PTPN14: variants seen among roughly 807,000 people sequenced by gnomAD.
PTPN14 encodes the protein protein tyrosine phosphatase non-receptor type 14.
PTPN14 carries 53 observed loss-of-function variants against 126.8 expected under a neutral mutation model. The ratio of observed to expected loss-of-function variants is 0.42; its 90% CI spans 0.34 to 0.53. The LOEUF (loss-of-function observed/expected upper bound fraction) is 0.53, where lower values mean the gene tolerates loss of function less well. Among genes scored for constraint, PTPN14 ranks in the 20% least tolerant of loss-of-function variants. The probability of loss-of-function intolerance (pLI) is 0.08; values close to 1 mark genes in which losing one functional copy is unlikely to be tolerated. For missense variants in PTPN14, 1,257 were observed against 1,552.9 expected (o/e 0.81, Z 3.20); for synonymous variants, 630 against 599.3 (o/e 1.05, Z -0.75).
At chr1:214,514,198 G>A (rs1655045653) in intron 1 of PTPN14, among the ~76,000 whole-genome samples, 1 of 151,976 alleles carries the variant, frequency 6.6e-6, no homozygotes, top group African/African-American at 2.4e-5. Flanking sequence ...TAACCTCAGG[G>A]GGCAAAATTA....
chr1:214,407,967 T>G (rs1034252369), intron 5 of PTPN14, among the ~76,000 whole-genome samples: 6 of 152,170 alleles, frequency 3.9e-5, no homozygotes, highest in African/African-American at 1.4e-4. Flanking sequence ...GTGGATGCTT[T>G]CTGAACACCC....
chr1:214,414,755 C>A (rs1184549782), intron 3 of PTPN14, 29 bp from the exon 4 acceptor site: 1 of 1,541,274 alleles, frequency 6.5e-7, no homozygotes, highest in Admixed American at 1.7e-5. Flanking sequence ...GAACAAACAA[C>A]CTTAAAAACA....
chr1:214,462,197 C>T (rs1478953973), intron 2 of PTPN14, among the ~76,000 whole-genome samples: 2 of 152,310 alleles, frequency 1.3e-5, no homozygotes, highest in East Asian at 3.9e-4. Flanking sequence ...TAAACACAAA[C>T]CCCACCTCAG....
chr1:214,473,916 C>A (rs1182963285), intron 1 of PTPN14, among the ~76,000 whole-genome samples: 1 of 152,130 alleles, frequency 6.6e-6, no homozygotes, highest in Non-Finnish European at 1.5e-5. Flanking sequence ...CCAAGTAAAG[C>A]TTTTTCTGCA....
At chr1:214,410,234 C>T (rs1344210961) in intron 5 of PTPN14, among the ~76,000 whole-genome samples, 1 of 151,086 alleles carries the variant, frequency 6.6e-6, no homozygotes, top group Non-Finnish European at 1.5e-5. Flanking sequence ...TGTCATGTAG[C>T]TTTTCCCCCA....
chr1:214,492,955 T>C (rs1406632760), intron 1 of PTPN14, among the ~76,000 whole-genome samples: 1 of 149,016 alleles, frequency 6.7e-6, no homozygotes, highest in East Asian at 2.0e-4. Context: ...CAGGAGGGTA[T>C]GAGGGTATGA....
intron 3 of PTPN14, among the ~76,000 whole-genome samples, chr1:214,440,812 T>G (rs1660022170): frequency 1.3e-5 from 2 of 152,184 alleles, no homozygotes; most frequent in South Asian, 2.1e-4. Flanking sequence ...TGCTGCTGAC[T>G]ATTAACTCCC....
chr1:214,440,389 C>T (rs1231464819), intron 3 of PTPN14, among the ~76,000 whole-genome samples: 2 of 152,144 alleles, frequency 1.3e-5, no homozygotes, highest in African/African-American at 4.8e-5. Flanking sequence ...GCCTATAAGA[C>T]GCTTGGTACT....
intron 16 of PTPN14, among the ~76,000 whole-genome samples, chr1:214,370,185 C>G (rs903919862): frequency 1.3e-5 from 2 of 148,876 alleles, no homozygotes; most frequent in African/African-American, 4.9e-5. Flanking sequence ...GAGGCTGAGG[C>G]AGGAGAATGG....
rs1336292533 is a variant in PTPN14, at chr1:214,355,500, G to A, written c.*2422C>T. 1 of 152,206 alleles carries A rather than the reference G, an allele frequency of 6.6e-6. No homozygotes were observed. Among genetic ancestry groups the A allele is most frequent in the African/African-American group, 2.4e-5 (1 of 41,450 alleles). The allele number at this position is 152,206 out of a possible 1,614,324, so 9.4% of individuals were successfully genotyped here. A position where few individuals can be genotyped will look rare whatever the true frequency, so the allele number is the denominator to read the frequency against. ...TATTGATGAGCTTCTTATAATAAGG[G>A]TTATAAGCTCTGTTCACTGAAAATA... On this transcript the variant is annotated 3_prime_UTR_variant, in exon 19 of 19. Coordinates refer to ENST00000366956, the MANE Select transcript of PTPN14 (RefSeq NM_005401.5).
At chr1:214,482,273 A>T (rs1377001066) in intron 1 of PTPN14, among the ~76,000 whole-genome samples, 2 of 101,970 alleles carry the variant, frequency 2.0e-5, no homozygotes, top group Admixed American at 9.7e-5. Flanking sequence ...TGTAAAAAAA[A>T]TTATTGCTAA....
chr1:214,434,289 A>T (rs1026812933), intron 3 of PTPN14, among the ~76,000 whole-genome samples: 11 of 152,324 alleles, frequency 7.2e-5, no homozygotes, highest in African/African-American at 2.6e-4. Flanking sequence ...GGTGAAGGTC[A>T]CCAAAAGCCA....
At chr1:214,480,843 G>T (rs1660968042) in intron 1 of PTPN14, among the ~76,000 whole-genome samples, 1 of 151,996 alleles carries the variant, frequency 6.6e-6, no homozygotes, top group Admixed American at 6.5e-5. Context: ...ATTCCCCAAA[G>T]AACAAGAAAA....
At chr1:214,534,200 G>A (rs1655637053) in intron 1 of PTPN14, among the ~76,000 whole-genome samples, 1 of 152,016 alleles carries the variant, frequency 6.6e-6, no homozygotes, top group Non-Finnish European at 1.5e-5. Flanking sequence ...TTTTTCCAGG[G>A]AGCAATCTGG....
chr1:214,451,334 T>C (rs1660269138), intron 3 of PTPN14, among the ~76,000 whole-genome samples: 1 of 151,964 alleles, frequency 6.6e-6, no homozygotes, highest in Admixed American at 6.6e-5. Context: ...CTAGTTTTTA[T>C]ATTTTTTTCT....
chr1:214,511,363 C>T (rs576247312), intron 1 of PTPN14, among the ~76,000 whole-genome samples: 4 of 151,888 alleles, frequency 2.6e-5, no homozygotes, highest in African/African-American at 9.7e-5. Flanking sequence ...CACAGACTAC[C>T]AAATTGTAAA....
intron 1 of PTPN14, among the ~76,000 whole-genome samples, chr1:214,525,578 A>G (rs1027144056): frequency 3.3e-5 from 5 of 152,208 alleles, no homozygotes; most frequent in Non-Finnish European, 7.3e-5. Flanking sequence ...ACAGCACAGA[A>G]GTTTCCTCTT....
At position 214,399,361 on chromosome 1, in the gene PTPN14, A is replaced by G. The variant is rs188783103; in HGVS notation, c.670-1360T>C. ...CTTTTTTCTCAATTTGTCACAACAC[A>G]TGTCCAGTTTAAGAGACAATCTCTG... On this transcript the variant is annotated intron_variant, in intron 7 of 18. Coordinates refer to ENST00000366956, the MANE Select transcript of PTPN14 (RefSeq NM_005401.5). 5.6e-4 allele frequency among the ~76,000 whole-genome samples: 86 copies of G among 152,336 alleles called. 1 individual carries two copies. Among genetic ancestry groups the G allele is most frequent in the East Asian group, 9.6e-4 (5 of 5,192 alleles).
At chr1:214,398,739 T>G (rs1269313658) in intron 7 of PTPN14, among the ~76,000 whole-genome samples, 2 of 141,820 alleles carry the variant, frequency 1.4e-5, no homozygotes, top group African/African-American at 2.7e-5. Context: ...GGCAACAATG[T>G]ACTGTATTCT....
Sources: gnomAD v4.1 joint callset for allele counts (sites outside exome capture counted in the v4.1 genomes callset) on GRCh38, gnomAD v4.1.1 for gene constraint, MANE v1.5 for transcripts, NCBI Gene and HGNC (gene_info 2026-07-23, HGNC 2026-07-21) for gene names.